PKD1L3: variants seen among roughly 807,000 people sequenced by gnomAD.
PKD1L3 encodes polycystin 1 like 3, transient receptor potential channel interacting, also known as polycystin-1-like protein 3.
Under a neutral mutation model 184.1 loss-of-function variants are expected in PKD1L3, and 239 were observed. That is an observed-to-expected ratio of 1.30 (90% confidence interval 1.17 to 1.45). The LOEUF is 1.45. Ranked by LOEUF, PKD1L3 falls within the 40% of genes most tolerant of loss-of-function variation. PKD1L3 has a pLI of 0.00. For synonymous variants in PKD1L3, 996 were observed against 778.8 expected (o/e 1.28, Z -4.64); for missense variants, 2,660 against 2,067.2 (o/e 1.29, Z -5.56).
Position 71,935,338 on chromosome 16 carries a change from C to T in PKD1L3, c.4613+20G>A, listed in dbSNP as rs2038136574. Reference sequence around the variant, plus strand: ...AGACATGAGGTAGGAATATGCTGTGCCCCTCAGGCTTCCTCTCACCTGTCC... The same window carrying T: ...AGACATGAGGTAGGAATATGCTGTGTCCCTCAGGCTTCCTCTCACCTGTCC... On this transcript the variant is annotated intron_variant, in intron 26 of 29. Coordinates refer to ENST00000620267, the MANE Select transcript of PKD1L3 (RefSeq NM_181536.2). 2 of 1,546,298 alleles carry T rather than the reference C, an allele frequency of 1.3e-6. No individual in the cohort carries two copies. Among genetic ancestry groups the T allele is most frequent in the Non-Finnish European group, 1.7e-6 (2 of 1,143,966 alleles).
Position 71,996,555 on chromosome 16 carries a change from T to C in PKD1L3, c.418+1717A>G, listed in dbSNP as rs148599359. On this transcript the variant is annotated intron_variant, in intron 2 of 29. Coordinates refer to ENST00000620267, the MANE Select transcript of PKD1L3 (RefSeq NM_181536.2). ...GATTACAGGCATGAGCCACTGTGCC[T>C]GGCCCACATTGTCCTTTTATAGCGA... is the stretch of plus-strand genomic sequence containing the variant. Among the ~76,000 whole-genome samples the C allele has an allele frequency of 3.6e-3, 553 of 152,282 alleles. 1 individual carries two copies. The highest frequency in any genetic ancestry group is 5.7e-3 in the Non-Finnish European group (390 of 68,006).
At chr16:71,995,749 C>T (rs1393938361) in intron 2 of PKD1L3, among the ~76,000 whole-genome samples, 2 of 152,242 alleles carry the variant, frequency 1.3e-5, no homozygotes, top group East Asian at 3.9e-4. Context: ...GGGATAGATT[C>T]CTAGCAGTGG....
chr16:71,996,342 A>T (rs1597382679), intron 2 of PKD1L3, among the ~76,000 whole-genome samples: 1 of 136,538 alleles, frequency 7.3e-6, no homozygotes, highest in South Asian at 2.4e-4. Context: ...GCTGACTGCA[A>T]CCTCCGCCTC....
chr16:71,999,281 A>G (rs922342880), intron 1 of PKD1L3, among the ~76,000 whole-genome samples: 2 of 151,986 alleles, frequency 1.3e-5, no homozygotes, highest in African/African-American at 2.4e-5. Context: ...AAAAAAAAAA[A>G]AAAAGAAAAA....
At position 71,929,630 on chromosome 16, in the gene PKD1L3, A is replaced by T; in HGVS notation, c.5107T>A (p.Leu1703Ile). Residue 1703 changes from leucine to isoleucine, a missense_variant, in exon 30 of 30, where the codon TTA becomes ATA. Leu to Ile is a conservative substitution (Grantham distance 5). Transcript: ENST00000620267. ...DTLLQKLSNL[L>I]GISWPQKTSS... ...GTTTTTTGGGGCCAACTGATTCCTA[A>T]CAAATTTGAGAGCTTCTGTAGCAGT... The T allele has an allele frequency of 6.4e-7, 1 of 1,551,742 alleles. No homozygotes were observed.
At chr16:71,960,662 C>T (rs2039242493) in intron 16 of PKD1L3, among the ~76,000 whole-genome samples, 1 of 152,130 alleles carries the variant, frequency 6.6e-6, no homozygotes, top group Non-Finnish European at 1.5e-5. Context: ...ATTAAACTCA[C>T]AGTCTTTCCT....
rs1293482321 is a variant in PKD1L3 at position 71,942,906 on chromosome 16, T to A, written c.3978A>T (p.Lys1326Asn). The A allele has an allele frequency of 6.4e-7, 1 of 1,551,516 alleles. No homozygotes were observed. The highest frequency in any genetic ancestry group is 2.0e-5 in the Admixed American group (1 of 50,988). ...KTFSHQFSEI[K>N]LLQDFYPWAN... The stretch of plus-strand genomic sequence containing the variant: ...CCCAGGGGTAGAAATCCTGAAGAAG[T>A]TTGATTTCCGAGAACTGGTGCGAAA... The change falls in exon 24 of 30, where the codon AAA (lysine) becomes AAT (asparagine). Residue 1326 changes from lysine to asparagine, a missense_variant. Physicochemically the swap from Lys to Asn is moderately conservative, Grantham distance 94. Coordinates refer to ENST00000620267, the MANE Select transcript of PKD1L3 (RefSeq NM_181536.2).
chr16:71,938,192 T>A (rs2038243738), intron 24 of PKD1L3, among the ~76,000 whole-genome samples: 1 of 152,218 alleles, frequency 6.6e-6, no homozygotes, highest in East Asian at 1.9e-4. Context: ...CTGCATGGCC[T>A]CTCCCCACTC....
rs34063785 is a variant in PKD1L3 at position 71,959,084 on chromosome 16, C to CAAA, written c.2612+4118_2612+4120dup. ...GGATGACAGAGCAAGACTCCCGTCT[C>CAAA]AAAAAAAAAAAAAAAAAAAAGACAC... On this transcript the variant is annotated intron_variant, in intron 16 of 29. Transcript: ENST00000620267. 6.7e-3 allele frequency among the ~76,000 whole-genome samples: 518 copies of CAAA among 76,792 alleles called. 14 individuals carry two copies. The highest frequency in any genetic ancestry group is 0.02 in the South Asian group (39 of 1,984). The allele number at this position is 76,792 out of a possible 152,430, so 50.4% of individuals were successfully genotyped here. A position where few individuals can be genotyped will look rare whatever the true frequency, so the allele number is the denominator to read the frequency against.
intron 10 of PKD1L3, 134 bp downstream of exon 10, chr16:71,978,121 T>C (rs2039999419): frequency 1.0e-5 from 11 of 1,097,600 alleles, no homozygotes; most frequent in Non-Finnish European, 1.4e-5. Context: ...TTGTAAAAGT[T>C]CCTAAGATGT....
intron 11 of PKD1L3, among the ~76,000 whole-genome samples, chr16:71,973,731 G>T (rs867237595): frequency 1.3e-5 from 2 of 152,150 alleles, no homozygotes; most frequent in Middle Eastern, 3.2e-3. Context: ...GCCAGGTGTG[G>T]TGACTCACGC....
In PKD1L3 at chr16:71,967,123, A is replaced by G; in HGVS notation, c.2465+14T>C. 1 of 1,549,984 alleles carries G rather than the reference A, an allele frequency of 6.5e-7. No homozygotes were observed. Among genetic ancestry groups the G allele is most frequent in the East Asian group, 2.4e-5 (1 of 40,914 alleles). The stretch of plus-strand genomic sequence containing the variant: ...CAAAGCAGCAGCAACAGCCAACAGG[A>G]TATAAGTACTCACCAGGAGGGACTG... On this transcript the variant is annotated intron_variant, in intron 15 of 29. Coordinates refer to ENST00000620267, the MANE Select transcript of PKD1L3 (RefSeq NM_181536.2).
chr16:71,943,710 G>C (rs2038450931), intron 23 of PKD1L3, among the ~76,000 whole-genome samples: 1 of 152,114 alleles, frequency 6.6e-6, no homozygotes, highest in South Asian at 2.1e-4. Flanking sequence ...AACTAGATGT[G>C]TTGAAGCCAG....
In PKD1L3 at chr16:71,974,592, G is replaced by T. The variant is rs192100164; in HGVS notation, c.1760-1075C>A. Among the ~76,000 whole-genome samples, 3 of 152,344 alleles carry T rather than the reference G, an allele frequency of 2.0e-5. No individual in the cohort carries two copies. The East Asian group carries it at 5.8e-4, about 29-fold the overall frequency. ...CCAGCTGCTTGGGAGGCTGAGGCAT[G>T]AGAATCGCTTGAGCCCAGGAGGCGG... On this transcript the variant is annotated intron_variant, in intron 11 of 29. Transcript: ENST00000620267.
chr16:71,979,764 T>C lies in PKD1L3; in HGVS notation c.1398+22A>G, dbSNP rs1044097197. On this transcript the variant is annotated intron_variant, in intron 9 of 29. Coordinates refer to ENST00000620267, the MANE Select transcript of PKD1L3 (RefSeq NM_181536.2). Reference sequence around the variant, plus strand: ...CCATCAGATCCCATTTTCATTCTGATCACAATCAATTTCACACTCACTTGG... The same window carrying C: ...CCATCAGATCCCATTTTCATTCTGACCACAATCAATTTCACACTCACTTGG... 4 of 1,477,754 alleles carry C rather than the reference T, an allele frequency of 2.7e-6. No homozygotes were observed. In the African/African-American group the frequency reaches 5.7e-5, roughly 21 times the overall value. The allele number at this position is 1,477,754 out of a possible 1,614,324, so 91.5% of individuals were successfully genotyped here.
At chr16:71,931,106 GTTT>G (rs754716273) in intron 28 of PKD1L3, 1 of 152,022 alleles carries the variant, frequency 6.6e-6, no homozygotes, top group African/African-American at 2.4e-5. Context: ...GTTTTTTAAT[GTTT>G]TTTACTTTAT....
chr16:71,992,803 A>C (rs1170949081), intron 3 of PKD1L3, among the ~76,000 whole-genome samples: 1 of 152,194 alleles, frequency 6.6e-6, no homozygotes, highest in Non-Finnish European at 1.5e-5. Flanking sequence ...TCTTTCTTTC[A>C]GTTGATCTCT....
chr16:71,949,238 A>C (rs570119342), intron 21 of PKD1L3, among the ~76,000 whole-genome samples: 1 of 148,698 alleles, frequency 6.7e-6, no homozygotes, highest in Non-Finnish European at 1.5e-5. Flanking sequence ...TGGGTTGTTG[A>C]TTTGTTACTG....
In PKD1L3 at chr16:71,973,462, GGTGCCAATCCC is replaced by G; in HGVS notation, c.1804_1814del (p.Gly602LeufsTer9). ...CACTCAGCACAGCTGTTATATAGTA[GGTGCCAATCCC>G]GTGCTGCAGATGCTCTGGATTCAGC... On this transcript the variant is annotated frameshift_variant, in exon 12 of 30. Transcript: ENST00000620267. LOFTEE classifies it high-confidence loss of function. 6.4e-7 allele frequency: 1 copy of G among 1,551,780 alleles called. No homozygotes were observed. Among genetic ancestry groups the G allele is most frequent in the Non-Finnish European group, 8.7e-7 (1 of 1,147,030 alleles).
Sources: allele counts gnomAD v4.1 joint callset (sites outside exome capture counted in the v4.1 genomes callset), GRCh38; gene constraint gnomAD v4.1.1; transcripts MANE v1.5; gene names NCBI Gene and HGNC (gene_info 2026-07-23, HGNC 2026-07-21).